Variants in ACSL3 observed in about 807,000 individuals in gnomAD.
ACSL3 encodes the protein acyl-CoA synthetase long chain family member 3, also known as fatty acid CoA ligase Acsl3.
A neutral mutation model predicts 84.7 loss-of-function variants in ACSL3; 34 were observed. That is an observed-to-expected ratio of 0.40 (90% CI 0.31 to 0.53). The LOEUF is 0.53. ACSL3 is among the 20% of genes least tolerant of loss of function. ACSL3 has a pLI of 0.48. For missense variants in ACSL3, 680 were observed against 873.1 expected, an observed-to-expected ratio of 0.78 and a Z score of 2.79; for synonymous variants, 315 against 299.4, an observed-to-expected ratio of 1.05 and a Z score of -0.54.
intron 3 of ACSL3, chr2:222,904,574 A>G (rs1696244196): frequency 6.5e-6 from 1 of 152,754 alleles, no homozygotes; most frequent in African/African-American, 2.4e-5. Context: ...CAAAGCATCA[A>G]AACTTTTCAG....
At position 222,933,071 on chromosome 2, in the gene ACSL3, ATTAC is replaced by A; in HGVS notation, c.1733-91_1733-88del. 3 of 672,594 alleles carry A rather than the reference ATTAC, an allele frequency of 4.5e-6. No homozygotes were observed. In the South Asian group the frequency reaches 7.7e-5, roughly 17 times the overall value. 41.7% of individuals were successfully genotyped at this position (672,594 alleles called of 1,614,324 possible). ...AAAGTTTTAAATAATTTGATAGCAA[ATTAC>A]TTAGAGAATGGCCAGTATTTATATA... On this transcript the variant is annotated intron_variant, in intron 14 of 16. Coordinates refer to ENST00000357430, the MANE Select transcript of ACSL3 (RefSeq NM_004457.5).
At chr2:222,879,009 T>TA (rs201742586) in intron 1 of ACSL3, among the ~76,000 whole-genome samples, 92 of 152,040 alleles carry the variant, frequency 6.1e-4, no homozygotes, top group African/African-American at 2.0e-3. Context: ...TAATCATTCT[T>TA]AAAAAAAACA....
intron 1 of ACSL3, among the ~76,000 whole-genome samples, chr2:222,878,278 C>G (rs1396177116): frequency 6.6e-6 from 1 of 152,170 alleles, no homozygotes; most frequent in Non-Finnish European, 1.5e-5. Context: ...CTCAGGAATT[C>G]CTGAAGAATA....
chr2:222,916,511 T>C lies in ACSL3; in HGVS notation c.556+15T>C. On this transcript the variant is annotated intron_variant, in intron 5 of 16. Transcript: ENST00000357430. ...TAATTTTCAGCGTATGTAGACTTTCTTATCTTCTGGAAGAATGAACTTAAC... is the reference window on the plus strand; with the variant it reads ...TAATTTTCAGCGTATGTAGACTTTCCTATCTTCTGGAAGAATGAACTTAAC... 1.3e-6 allele frequency: 2 copies of C among 1,538,350 alleles called. No individual in the cohort carries two copies. The highest frequency in any genetic ancestry group is 2.7e-5 in the African/African-American group (2 of 72,740).
intron 1 of ACSL3, among the ~76,000 whole-genome samples, chr2:222,865,666 T>C (rs1304682225): frequency 6.6e-6 from 1 of 151,734 alleles, no homozygotes; most frequent in African/African-American, 2.4e-5. Flanking sequence ...AGGCACAGAG[T>C]AGGGAAGGAA....
chr2:222,910,412 C>T (rs1223716101), intron 4 of ACSL3, among the ~76,000 whole-genome samples: 1 of 152,032 alleles, frequency 6.6e-6, no homozygotes, highest in Admixed American at 6.5e-5. Context: ...TACTTTGATC[C>T]CCAACTGGCT....
chr2:222,888,826 T>C (rs1695779123), intron 2 of ACSL3, among the ~76,000 whole-genome samples: 1 of 152,164 alleles, frequency 6.6e-6, no homozygotes, highest in African/African-American at 2.4e-5. Context: ...TTTAATGAAG[T>C]AGATGTGATG....
intron 1 of ACSL3, among the ~76,000 whole-genome samples, chr2:222,878,118 G>A (rs138226867): frequency 6.6e-6 from 1 of 152,274 alleles, no homozygotes; most frequent in South Asian, 2.1e-4. Flanking sequence ...ATCAGTCTCT[G>A]CATCCCTGCC....
At chr2:222,862,523 G>GT (rs11449718) in intron 1 of ACSL3, among the ~76,000 whole-genome samples, 69,173 of 151,914 alleles carry the variant, frequency 0.46, 16,136 homozygotes, top group Admixed American at 0.52. Flanking sequence ...GTGCTGATGA[G>GT]TTGCTCCTGA....
intron 11 of ACSL3, among the ~76,000 whole-genome samples, chr2:222,926,685 A>G (rs1696882632): frequency 6.6e-6 from 1 of 152,190 alleles, no homozygotes; most frequent in African/African-American, 2.4e-5. Context: ...AGAATTGTTC[A>G]GTATTAATAT....
At chr2:222,904,967 C>T (rs1301560525) in intron 3 of ACSL3, 1 of 153,036 alleles carries the variant, frequency 6.5e-6, no homozygotes, top group African/African-American at 2.4e-5. Flanking sequence ...GTCTGAGGTG[C>T]TTGCTTTGGG....
chr2:222,903,150 T>A (rs939086840), intron 3 of ACSL3, among the ~76,000 whole-genome samples: 1 of 152,246 alleles, frequency 6.6e-6, no homozygotes, highest in African/African-American at 2.4e-5. Context: ...TTTTCTTTTT[T>A]TTTTTGAGAT....
At chr2:222,912,984 T>A (rs1382347905) in intron 4 of ACSL3, among the ~76,000 whole-genome samples, 6 of 152,162 alleles carry the variant, frequency 3.9e-5, no homozygotes. Flanking sequence ...GTGAAATGAT[T>A]TCAGGACAAC....
intron 1 of ACSL3, among the ~76,000 whole-genome samples, chr2:222,881,356 A>G (rs1047998004): frequency 5.9e-5 from 9 of 152,244 alleles, no homozygotes; most frequent in Non-Finnish European, 1.2e-4. Context: ...CTTGATATAT[A>G]ATAATTATGA....
intron 3 of ACSL3, among the ~76,000 whole-genome samples, chr2:222,906,094 C>T (rs950313889): frequency 3.9e-5 from 6 of 152,128 alleles, no homozygotes; most frequent in African/African-American, 9.7e-5. Context: ...TGTAGCAACT[C>T]GGAATACTGA....
chr2:222,880,566 T>C (rs368533546), intron 1 of ACSL3, among the ~76,000 whole-genome samples: 7 of 152,188 alleles, frequency 4.6e-5, no homozygotes, highest in East Asian at 3.9e-4. Flanking sequence ...CGGTGGCTCA[T>C]GCCTGTAATC....
intron 11 of ACSL3, among the ~76,000 whole-genome samples, chr2:222,924,978 A>T (rs1445812649): frequency 6.6e-6 from 1 of 150,672 alleles, no homozygotes; most frequent in Non-Finnish European, 1.5e-5. Context: ...GTGAGCCAAG[A>T]TTGCGCCACT....
intron 2 of ACSL3, among the ~76,000 whole-genome samples, chr2:222,897,409 C>CG (rs1426574869): frequency 1.6e-3 from 18 of 11,140 alleles, no homozygotes; most frequent in African/African-American, 0.013. Context: ...GATGGGATGG[C>CG]GGACGGGCAG....
rs1695338850 is a variant in ACSL3, at chr2:222,872,795, G to GT, written c.-207+11538dup. ...AGGGGGATGGTAGTGGGGCGGTGTG[G>GT]TGGTGGGGCAACTGGGCCGCTTTCT... On this transcript the variant is annotated intron_variant, in intron 1 of 16. Transcript: ENST00000357430. Among the ~76,000 whole-genome samples the GT allele has an allele frequency of 2.0e-5, 3 of 152,156 alleles. No individual in the cohort carries two copies. The South Asian group carries it at 6.2e-4, about 32-fold the overall frequency.
Sources: gnomAD v4.1 joint callset for allele counts (sites outside exome capture counted in the v4.1 genomes callset) on GRCh38, gnomAD v4.1.1 for gene constraint, MANE v1.5 for transcripts, NCBI Gene and HGNC (gene_info 2026-07-23, HGNC 2026-07-21) for gene names.